Variants in GATD1 observed in about 807,000 individuals in gnomAD.
The protein encoded by GATD1 is glutamine amidotransferase-like class 1 domain-containing protein 1.
Under a neutral mutation model 25.9 loss-of-function variants are expected in GATD1, and 23 were observed. That is an observed-to-expected ratio of 0.89 (90% confidence interval 0.64 to 1.26). GATD1 has a LOEUF of 1.26. Among genes scored for constraint, GATD1 ranks in the 50% most tolerant of loss-of-function variants. The pLI is 0.00. For missense variants in GATD1, 347 were observed against 312.5 expected, an observed-to-expected ratio of 1.11 and a Z score of -0.83; for synonymous variants, 177 against 134.6, an observed-to-expected ratio of 1.31 and a Z score of -2.18.
chr11:777,431 G>A lies in GATD1; in HGVS notation c.32C>T (p.Ala11Val). ...GGCGCCGCTGGCCACGAGCAGACAG[G>A]CGGGCCTGTTAGGGAGCCGCTCGGA... is the stretch of plus-strand genomic sequence containing the variant. MASERLPNRPACLLVASGAAE... is the reference protein window; with the variant it reads MASERLPNRPVCLLVASGAAE... The change falls in exon 1 of 8, where the codon GCC becomes GTC. Residue 11 changes from alanine to valine, a missense_variant. Transcript: ENST00000319863. The A allele has an allele frequency of 2.3e-6, 3 of 1,276,990 alleles. No homozygotes were observed. The highest frequency in any genetic ancestry group is 3.0e-6 in the Non-Finnish European group (3 of 1,011,704). 79.1% of individuals were successfully genotyped at this position (1,276,990 alleles called of 1,614,324 possible). A position where few individuals can be genotyped will look rare whatever the true frequency, so the allele number is the denominator to read the frequency against.
chr11:771,097 C>T lies in GATD1; in HGVS notation c.552G>A (p.Glu184=), dbSNP rs150842089. 2.1e-4 allele frequency: 343 copies of T among 1,599,168 alleles called. 3 individuals are homozygous for T. In the East Asian group the frequency reaches 5.8e-3, roughly 27 times the overall value. The change falls in exon 7 of 8, where the codon GAG becomes GAA. Residue 184 remains glutamate (E), a synonymous_variant. Coordinates refer to ENST00000319863, the MANE Select transcript of GATD1 (RefSeq NM_182612.4). ...KDSGACFSAS[E]PDAVHVVLDR... is the part of the protein sequence containing the mutation. Reference sequence around the variant, plus strand: ...CCAGCACGACGTGGACAGCGTCAGGCTCGCTTGCTGGGGAGGACCGAGGGC... The same window carrying T: ...CCAGCACGACGTGGACAGCGTCAGGTTCGCTTGCTGGGGAGGACCGAGGGC...
chr11:767,646 C>T lies in GATD1; in HGVS notation c.*3251G>A. 2.3e-6 allele frequency: 3 copies of T among 1,289,234 alleles called. No homozygotes were observed. Among genetic ancestry groups the T allele is most frequent in the Non-Finnish European group, 2.0e-6 (2 of 1,015,926 alleles). The allele number at this position is 1,289,234 out of a possible 1,614,324, so 79.9% of individuals were successfully genotyped here. A position where few individuals can be genotyped will look rare whatever the true frequency, so the allele number is the denominator to read the frequency against. On this transcript the variant is annotated 3_prime_UTR_variant, in exon 8 of 8. Coordinates refer to ENST00000319863, the MANE Select transcript of GATD1 (RefSeq NM_182612.4). ...CCTGAGCACGTCCCCCCAAAACCCA[C>T]CTGCTTAAGTCCTCACCTGCAAGGG...
intron 4 of GATD1, 107 bp from the exon 5 acceptor site, chr11:772,628 G>T: frequency 9.8e-7 from 1 of 1,018,748 alleles, no homozygotes; most frequent in Non-Finnish European, 1.5e-6. Context: ...CCGCCTGCCT[G>T]GCCCCTCCTC....
intron 2 of GATD1, 121 bp from the exon 3 acceptor site, chr11:774,234 G>A (rs910107870): frequency 2.4e-5 from 18 of 746,002 alleles, no homozygotes; most frequent in South Asian, 6.9e-5. Context: ...AAAGGCCCCC[G>A]ACCACCCAGC....
At chr11:771,177 G>C in intron 6 of GATD1, 73 bp from the exon 7 acceptor site, 1 of 1,545,086 alleles carries the variant, frequency 6.5e-7, no homozygotes, top group Non-Finnish European at 8.7e-7. Context: ...CTCCAGGCGG[G>C]CTCCCAGGGT....
At chr11:776,629 G>A (rs1173320805) in intron 1 of GATD1, 18 of 152,460 alleles carry the variant, frequency 1.2e-4, no homozygotes, top group Admixed American at 1.2e-3. Context: ...CACACTTGAG[G>A]AGCTACAGAC....
chr11:774,166 G>A (rs1863733362), intron 2 of GATD1, 53 bp from the exon 3 acceptor site: 28 of 1,501,472 alleles, frequency 1.9e-5, no homozygotes, highest in South Asian at 2.3e-5. Context: ...TATCCCTGTC[G>A]GCTCAGAGGG....
chr11:773,950 C>A, intron 3 of GATD1, 58 bp downstream of exon 3: 2 of 1,506,544 alleles, frequency 1.3e-6, no homozygotes, highest in Admixed American at 1.7e-5. Context: ...CTATCTGGAA[C>A]CCTTGACCCT....
chr11:776,354 T>C (rs1451162714), intron 1 of GATD1, among the ~76,000 whole-genome samples: 3 of 152,196 alleles, frequency 2.0e-5, no homozygotes, highest in Non-Finnish European at 2.9e-5. Flanking sequence ...AAGTGCCCAG[T>C]AGACTGCCGC....
chr11:767,341 C>T lies in GATD1; in HGVS notation c.*3556G>A. 6.5e-7 allele frequency: 1 copy of T among 1,536,266 alleles called. No individual in the cohort carries two copies. The highest frequency in any genetic ancestry group is 8.7e-7 in the Non-Finnish European group (1 of 1,146,926). ...AGGTCTGTCCTCTTGCTTTCCTCCTCTGCCCCAGCCTGGTGCTGCCCCAAG... is the reference window on the plus strand; with the variant it reads ...AGGTCTGTCCTCTTGCTTTCCTCCTTTGCCCCAGCCTGGTGCTGCCCCAAG... On this transcript the variant is annotated 3_prime_UTR_variant, in exon 8 of 8. Coordinates refer to ENST00000319863, the MANE Select transcript of GATD1 (RefSeq NM_182612.4).
chr11:777,321 C>T, intron 1 of GATD1, 78 bp downstream of exon 1: 2 of 1,128,024 alleles, frequency 1.8e-6, no homozygotes, highest in Non-Finnish European at 2.2e-6. Flanking sequence ...CGCGCGCCCA[C>T]CGTGTCCCGA....
chr11:773,397 G>A, intron 4 of GATD1, 125 bp downstream of exon 4: 1 of 772,902 alleles, frequency 1.3e-6, no homozygotes, highest in Admixed American at 2.7e-5. Flanking sequence ...CCACTGCAGT[G>A]GCCACTGACC....
intron 4 of GATD1, among the ~76,000 whole-genome samples, chr11:773,066 C>G (rs543030597): frequency 6.6e-6 from 1 of 152,364 alleles, no homozygotes; most frequent in South Asian, 2.1e-4. Flanking sequence ...CCCACTCCAA[C>G]ACACAAAGGG....
chr11:771,307 G>A, intron 6 of GATD1, 26 bp downstream of exon 6: 1 of 1,604,110 alleles, frequency 6.2e-7, no homozygotes, highest in Non-Finnish European at 8.5e-7. Context: ...TCTTCTGTAA[G>A]TGCAGGGGGC....
At chr11:772,353 C>T (rs185508071) in intron 5 of GATD1, 74 bp downstream of exon 5, 1 of 927,862 alleles carries the variant, frequency 1.1e-6, no homozygotes, top group Non-Finnish European at 1.8e-6. Flanking sequence ...CCTGGAGCCT[C>T]CGACCTCACC....
In GATD1 at chr11:769,862, C is replaced by T. The variant is rs553244551; in HGVS notation, c.*1035G>A. ...CGATCTCCTGACCTCGTGATCCGCC[C>T]GCCTCGGCCTCCCAAAGTGCTGGGG... On this transcript the variant is annotated 3_prime_UTR_variant, in exon 8 of 8. Coordinates refer to ENST00000319863, the MANE Select transcript of GATD1 (RefSeq NM_182612.4). 33 of 918,916 alleles carry T rather than the reference C, an allele frequency of 3.6e-5. No individual in the cohort carries two copies. The highest frequency in any genetic ancestry group is 6.2e-5 in the Admixed American group (1 of 16,202). 56.9% of individuals were successfully genotyped at this position (918,916 alleles called of 1,614,324 possible).
At position 770,281 on chromosome 11, in the gene GATD1, G is replaced by A. The variant is rs1863315168; in HGVS notation, c.*616C>T. On this transcript the variant is annotated 3_prime_UTR_variant, in exon 8 of 8. Transcript: ENST00000319863. ...TTCACAAGTAAACGTGCCTCTCAAT[G>A]CTTAGGACAGGGTGCATCACTGAGG... The A allele has an allele frequency of 1.3e-6, 2 of 1,488,110 alleles. No individual in the cohort carries two copies. The highest frequency in any genetic ancestry group is 1.3e-5 in the South Asian group (1 of 78,852). 92.2% of individuals were successfully genotyped at this position (1,488,110 alleles called of 1,614,324 possible).
chr11:771,601 A>C, intron 5 of GATD1, 175 bp from the exon 6 acceptor site: 1 of 1,386,018 alleles, frequency 7.2e-7, no homozygotes. Context: ...GACAAAGTCT[A>C]GCCATCTTCC....
intron 1 of GATD1, 76 bp downstream of exon 1, chr11:777,323 G>T: frequency 9.0e-7 from 1 of 1,106,342 alleles, no homozygotes; most frequent in Non-Finnish European, 1.1e-6. Flanking sequence ...CGCGCCCACC[G>T]TGTCCCGAAC....
Sources: allele counts gnomAD v4.1 joint callset (sites outside exome capture counted in the v4.1 genomes callset), GRCh38; gene constraint gnomAD v4.1.1; transcripts MANE v1.5; gene names NCBI Gene and HGNC (gene_info 2026-07-23, HGNC 2026-07-21).